EXT1: variants seen among roughly 807,000 people sequenced by gnomAD.
The protein encoded by EXT1 is exostosin glycosyltransferase 1.
A neutral mutation model predicts 82.5 loss-of-function variants in EXT1; 20 were observed. The observed-to-expected ratio is 0.24, with a 90% CI of 0.17 to 0.35. The LOEUF (loss-of-function observed/expected upper bound fraction) is 0.35. Ranked by LOEUF, EXT1 falls within the 10% of genes least tolerant of loss-of-function variation. The pLI is 1.00. For synonymous variants in EXT1, 348 were observed against 350.8 expected (o/e 0.99, Z 0.09); for missense variants, 757 against 936.5 (o/e 0.81, Z 2.50).
At chr8:117,821,547 T>A (rs1811924538) in intron 5 of EXT1, among the ~76,000 whole-genome samples, 2 of 152,224 alleles carry the variant, frequency 1.3e-5, no homozygotes, top group African/African-American at 2.4e-5. Flanking sequence ...ATGGTTCCCA[T>A]AACAGGTTTG....
chr8:117,827,312 T>A (rs1812023230), intron 4 of EXT1, among the ~76,000 whole-genome samples: 1 of 152,060 alleles, frequency 6.6e-6, no homozygotes, highest in Admixed American at 6.5e-5. Context: ...TAGTTATCTA[T>A]AAAAAATAAA....
At chr8:117,885,648 G>T (rs904267995) in intron 1 of EXT1, among the ~76,000 whole-genome samples, 1 of 152,152 alleles carries the variant, frequency 6.6e-6, no homozygotes, top group Non-Finnish European at 1.5e-5. Flanking sequence ...TGATACTGAA[G>T]TTCTTCAAGA....
rs1817899047 is a variant in EXT1, at chr8:118,111,297, T to A, written c.-251A>T. The A allele has an allele frequency of 1.6e-6, 1 of 615,874 alleles. No individual in the cohort carries two copies. The highest frequency in any genetic ancestry group is 2.9e-6 in the Non-Finnish European group (1 of 350,200). The allele number at this position is 615,874 out of a possible 1,614,324, so 38.2% of individuals were successfully genotyped here. A position where few individuals can be genotyped will look rare whatever the true frequency, so the allele number is the denominator to read the frequency against. On this transcript the variant is annotated 5_prime_UTR_variant, in exon 1 of 11. Transcript: ENST00000378204. ...GCACGGGAGAGAGCGGGGCTGAATA[T>A]CTCGCACCCAGGGCGGGCGAGCAGC...
chr8:117,909,232 G>A (rs1205638358), intron 1 of EXT1, among the ~76,000 whole-genome samples: 2 of 152,162 alleles, frequency 1.3e-5, no homozygotes, highest in East Asian at 3.9e-4. Context: ...AAGACATTGA[G>A]AAATGCCAAA....
intron 1 of EXT1, among the ~76,000 whole-genome samples, chr8:117,990,168 G>A (rs993438811): frequency 1.3e-5 from 2 of 151,716 alleles, no homozygotes; most frequent in Non-Finnish European, 2.9e-5. Context: ...GCGAGACTCC[G>A]CCTAAAAAAA....
chr8:117,805,093 A>G (rs191444610), intron 9 of EXT1, among the ~76,000 whole-genome samples, 200 bp from the exon 10 acceptor site: 1 of 152,320 alleles, frequency 6.6e-6, no homozygotes, highest in East Asian at 1.9e-4. Context: ...GTGTTTTACA[A>G]GAAATGCTTC....
At chr8:117,877,963 G>A (rs1247960260) in intron 1 of EXT1, among the ~76,000 whole-genome samples, 1 of 152,188 alleles carries the variant, frequency 6.6e-6, no homozygotes, top group African/African-American at 2.4e-5. Context: ...CACTTGTGGT[G>A]TCAATTTATT....
At chr8:118,039,557 CAAAAAAAA>C (rs71307422) in intron 1 of EXT1, among the ~76,000 whole-genome samples, 3 of 82,098 alleles carry the variant, frequency 3.7e-5, no homozygotes, top group South Asian at 4.8e-4. Flanking sequence ...GACTCCGTCA[CAAAAAAAA>C]AAAAAAAAAA....
At chr8:117,985,317 AGTTT>A (rs1448309033) in intron 1 of EXT1, among the ~76,000 whole-genome samples, 4 of 152,090 alleles carry the variant, frequency 2.6e-5, no homozygotes, top group Non-Finnish European at 5.9e-5. Context: ...TTGCCCTTTG[AGTTT>A]GTTTGTTTTC....
intron 1 of EXT1, among the ~76,000 whole-genome samples, chr8:117,970,326 C>G (rs1165225731): frequency 6.7e-6 from 1 of 148,480 alleles, no homozygotes; most frequent in Non-Finnish European, 1.5e-5. Flanking sequence ...TTTTTTGACA[C>G]GGAGTCTCAC....
intron 1 of EXT1, among the ~76,000 whole-genome samples, chr8:118,081,776 A>G (rs1269897898): frequency 6.6e-6 from 1 of 152,216 alleles, no homozygotes; most frequent in Non-Finnish European, 1.5e-5. Flanking sequence ...TATTTTCTGC[A>G]GAAGCCCTCC....
chr8:118,051,487 G>C (rs943480986), intron 1 of EXT1, among the ~76,000 whole-genome samples: 1 of 152,172 alleles, frequency 6.6e-6, no homozygotes, highest in Non-Finnish European at 1.5e-5. Flanking sequence ...ATTGAATAAA[G>C]CCAGTTTTAA....
chr8:118,080,754 C>A (rs970159488), intron 1 of EXT1, among the ~76,000 whole-genome samples: 13 of 152,140 alleles, frequency 8.5e-5, no homozygotes. Flanking sequence ...CATACCTCAT[C>A]TATTATAATA....
intron 1 of EXT1, among the ~76,000 whole-genome samples, chr8:118,094,716 CAG>C (rs1451475495): frequency 6.6e-6 from 1 of 152,206 alleles, no homozygotes; most frequent in African/African-American, 2.4e-5. Context: ...TAGCTAGTGA[CAG>C]AGTCACCATC....
chr8:118,038,167 T>G (rs1332838669), intron 1 of EXT1, among the ~76,000 whole-genome samples: 1 of 152,182 alleles, frequency 6.6e-6, no homozygotes. Context: ...AATTAAGGAT[T>G]TGAGTTCTGA....
At chr8:117,831,832 A>G (rs1444152364) in intron 3 of EXT1, among the ~76,000 whole-genome samples, 1 of 152,214 alleles carries the variant, frequency 6.6e-6, no homozygotes, top group Admixed American at 6.5e-5. Flanking sequence ...CAGAAGGAAA[A>G]GCTCACTTGG....
intron 1 of EXT1, among the ~76,000 whole-genome samples, chr8:118,060,905 C>A (rs1438354546): frequency 4.6e-5 from 7 of 152,164 alleles, no homozygotes; most frequent in Non-Finnish European, 2.9e-5. Context: ...AAAGACACTG[C>A]CTGGTATCAC....
chr8:118,046,447 A>C (rs1816624901), intron 1 of EXT1, among the ~76,000 whole-genome samples: 1 of 152,050 alleles, frequency 6.6e-6, no homozygotes, highest in Admixed American at 6.5e-5. Flanking sequence ...AAAATTTGGC[A>C]TGTCCACTGT....
rs2130044261 is a variant in EXT1, at chr8:118,110,727, G to A, written c.320C>T (p.Thr107Ile). The A allele has an allele frequency of 6.2e-7, 1 of 1,614,178 alleles. No homozygotes were observed. The highest frequency in any genetic ancestry group is 8.5e-7 in the Non-Finnish European group (1 of 1,180,040). Residue 107 changes from threonine (T) to isoleucine (I), a missense_variant, in exon 1 of 11, where the codon ACC (threonine) becomes ATC (isoleucine). Physicochemically the swap from Thr to Ile is moderately conservative, Grantham distance 89. Transcript: ENST00000378204. The part of the protein sequence containing the change: ...KCRMESCFDF[T>I]LCKKNGFKVY... ...TTTGAAGCCGTTTTTCTTGCAAAGG[G>A]TGAAATCGAAGCAGGACTCCATGCG... is the stretch of plus-strand genomic sequence containing the variant.
Sources: allele counts gnomAD v4.1 joint callset (sites outside exome capture counted in the v4.1 genomes callset), GRCh38; gene constraint gnomAD v4.1.1; transcripts MANE v1.5; gene names NCBI Gene and HGNC (gene_info 2026-07-23, HGNC 2026-07-21).